Variants in SCFD2 observed in about 807,000 individuals in gnomAD.
SCFD2 encodes the protein sec1 family domain containing 2.
A neutral mutation model predicts 58.9 loss-of-function variants in SCFD2; 54 were observed. That is an observed-to-expected ratio of 0.92 (90% confidence interval 0.74 to 1.15). SCFD2 has a LOEUF of 1.15. Among genes scored for constraint, SCFD2 ranks in the 50% most tolerant of loss-of-function variants. SCFD2 has a pLI of 0.00. For synonymous variants in SCFD2, 321 were observed against 335.9 expected (o/e 0.96, Z 0.49); for missense variants, 805 against 836.6 (o/e 0.96, Z 0.47).
intron 5 of SCFD2, among the ~76,000 whole-genome samples, chr4:53,056,766 T>C (rs1402493556): frequency 6.6e-6 from 1 of 152,026 alleles, no homozygotes; most frequent in African/African-American, 2.4e-5. Context: ...CTTGTATAAA[T>C]TGGAACACAG....
At chr4:53,100,057 T>C (rs551581648) in intron 5 of SCFD2, among the ~76,000 whole-genome samples, 1 of 152,202 alleles carries the variant, frequency 6.6e-6, no homozygotes, top group East Asian at 1.9e-4. Flanking sequence ...GAAATCAGAA[T>C]GGACATCAGG....
At chr4:53,338,611 C>T (rs1384590822) in intron 2 of SCFD2, among the ~76,000 whole-genome samples, 1 of 49,424 alleles carries the variant, frequency 2.0e-5, no homozygotes, top group Non-Finnish European at 4.2e-5. Context: ...GATGGAGTCT[C>T]GCTCTGTCGC....
chr4:53,119,826 A>G (rs1460665055), intron 5 of SCFD2, among the ~76,000 whole-genome samples: 1 of 152,188 alleles, frequency 6.6e-6, no homozygotes, highest in South Asian at 2.1e-4. Flanking sequence ...CCACATTCCA[A>G]TGCTGGCCTC....
intron 2 of SCFD2, among the ~76,000 whole-genome samples, chr4:53,343,495 C>A (rs1261211450): frequency 2.6e-5 from 4 of 152,156 alleles, no homozygotes; most frequent in Non-Finnish European, 5.9e-5. Context: ...CAGGACCAGA[C>A]AGAATCACAT....
chr4:53,345,181 A>T (rs1734018857), intron 2 of SCFD2, among the ~76,000 whole-genome samples: 1 of 152,188 alleles, frequency 6.6e-6, no homozygotes. Context: ...AATGGGAGAA[A>T]ATTTTTGCAA....
At chr4:53,024,477 G>A (rs1176457193) in intron 5 of SCFD2, among the ~76,000 whole-genome samples, 1 of 152,198 alleles carries the variant, frequency 6.6e-6, no homozygotes, top group Non-Finnish European at 1.5e-5. Context: ...AAGTAGGCAA[G>A]CTATAAATAG....
chr4:53,004,784 GAAGT>G (rs896377111), intron 5 of SCFD2, among the ~76,000 whole-genome samples: 57 of 152,312 alleles, frequency 3.7e-4, no homozygotes, highest in African/African-American at 1.4e-3. Flanking sequence ...TGCACCACTG[GAAGT>G]AAGGAAGACA....
intron 5 of SCFD2, among the ~76,000 whole-genome samples, chr4:53,056,401 A>T (rs752770013): frequency 3.9e-5 from 6 of 152,140 alleles, no homozygotes; most frequent in Non-Finnish European, 7.4e-5. Flanking sequence ...AAGTCTCAAA[A>T]ATGGTAATGT....
chr4:53,171,824 G>C (rs1727185842), intron 4 of SCFD2, among the ~76,000 whole-genome samples: 1 of 151,586 alleles, frequency 6.6e-6, no homozygotes, highest in African/African-American at 2.4e-5. Flanking sequence ...TATTTCTGTG[G>C]TATCACCTTC....
intron 3 of SCFD2, among the ~76,000 whole-genome samples, chr4:53,286,563 C>A (rs1731675287): frequency 6.6e-6 from 1 of 152,050 alleles, no homozygotes; most frequent in South Asian, 2.1e-4. Context: ...ACCCCATGCT[C>A]CCTAGTTAAT....
intron 5 of SCFD2, among the ~76,000 whole-genome samples, chr4:53,023,211 T>A (rs940954174): frequency 1.3e-5 from 2 of 152,178 alleles, no homozygotes; most frequent in Non-Finnish European, 2.9e-5. Flanking sequence ...CAGCTACATC[T>A]CATTCCTTCA....
At chr4:52,997,224 A>G (rs548095719) in intron 5 of SCFD2, among the ~76,000 whole-genome samples, 2 of 152,186 alleles carry the variant, frequency 1.3e-5, no homozygotes, top group Admixed American at 6.5e-5. Context: ...GCTATGTCCA[A>G]TGAGTTGTTA....
At chr4:53,074,416 T>C (rs1723911148) in intron 5 of SCFD2, among the ~76,000 whole-genome samples, 1 of 152,156 alleles carries the variant, frequency 6.6e-6, no homozygotes, top group Admixed American at 6.6e-5. Context: ...CTGCTGTTAA[T>C]GATATTTTCA....
chr4:52,926,495 C>T (rs1439804687), intron 5 of SCFD2, among the ~76,000 whole-genome samples: 1 of 152,124 alleles, frequency 6.6e-6, no homozygotes, highest in Non-Finnish European at 1.5e-5. Flanking sequence ...GAGGGCGTAG[C>T]TAGAGTAGGA....
chr4:53,332,647 A>C (rs1222408771), intron 2 of SCFD2, among the ~76,000 whole-genome samples: 2 of 152,164 alleles, frequency 1.3e-5, no homozygotes, highest in Admixed American at 1.3e-4. Context: ...TATCATACTG[A>C]ATGGGCAAAA....
At chr4:52,997,940 G>A (rs906395131) in intron 5 of SCFD2, among the ~76,000 whole-genome samples, 1 of 152,158 alleles carries the variant, frequency 6.6e-6, no homozygotes, top group Non-Finnish European at 1.5e-5. Context: ...ATCAAGAGTA[G>A]TAACATTATT....
intron 5 of SCFD2, among the ~76,000 whole-genome samples, chr4:52,973,171 G>C (rs1404809773): frequency 6.6e-6 from 1 of 152,062 alleles, no homozygotes; most frequent in African/African-American, 2.4e-5. Flanking sequence ...TAAGATCAGA[G>C]CAGAACTGAA....
At chr4:52,972,095 G>A (rs1375543535) in intron 5 of SCFD2, among the ~76,000 whole-genome samples, 2 of 152,200 alleles carry the variant, frequency 1.3e-5, no homozygotes, top group African/African-American at 4.8e-5. Flanking sequence ...AGGCTAGGAA[G>A]AAACTGCATC....
intron 4 of SCFD2, among the ~76,000 whole-genome samples, chr4:53,152,112 C>T (rs2148918873): frequency 6.6e-6 from 1 of 152,284 alleles, no homozygotes. Flanking sequence ...TTTGACAAAC[C>T]AGACTTTACT....
Sources: allele counts gnomAD v4.1 joint callset (sites outside exome capture counted in the v4.1 genomes callset), GRCh38; gene constraint gnomAD v4.1.1; transcripts MANE v1.5; gene names NCBI Gene and HGNC (gene_info 2026-07-23, HGNC 2026-07-21).